The following SNX29 variants were observed in gnomAD, a reference collection of about 807,000 sequenced individuals.
SNX29 encodes sorting nexin 29, also known as sorting nexin-29.
Under a neutral mutation model 102.1 loss-of-function variants are expected in SNX29, and 78 were observed. That is an observed-to-expected ratio of 0.76 (90% CI 0.64 to 0.92). The LOEUF is 0.92. Ranked by LOEUF, SNX29 falls within the 40% of genes least tolerant of loss-of-function variation. The pLI is 0.00. For synonymous variants in SNX29, 580 were observed against 414.5 expected (o/e 1.40, Z -4.85); for missense variants, 1,280 against 1,061.7 (o/e 1.21, Z -2.86).
At chr16:12,519,514 G>A (rs1238995487) in intron 19 of SNX29, among the ~76,000 whole-genome samples, 1 of 147,074 alleles carries the variant, frequency 6.8e-6, no homozygotes, top group East Asian at 1.9e-4. Flanking sequence ...ATGGGAAAAT[G>A]TTGTTAATTT....
chr16:12,365,293 C>G (rs774350319), intron 16 of SNX29, among the ~76,000 whole-genome samples: 5 of 150,034 alleles, frequency 3.3e-5, no homozygotes, highest in Non-Finnish European at 5.9e-5. Context: ...CTCTCCCTTT[C>G]TTATCTCTCC....
At position 12,188,213 on chromosome 16, in the gene SNX29, C is replaced by G. The variant is rs529848054; in HGVS notation, c.1596-11388C>G. ...TTTAATAATTACCATATGCCAGACACTTTATTTATACACACACATACTTAT... is the reference window on the plus strand; with the variant it reads ...TTTAATAATTACCATATGCCAGACAGTTTATTTATACACACACATACTTAT... On this transcript the variant is annotated intron_variant, in intron 13 of 20. Coordinates refer to ENST00000566228, the MANE Select transcript of SNX29 (RefSeq NM_032167.5). 3.9e-5 allele frequency among the ~76,000 whole-genome samples: 6 copies of G among 152,280 alleles called. No individual in the cohort carries two copies. In the East Asian group the frequency reaches 1.2e-3, roughly 29 times the overall value.
chr16:12,479,767 G>A (rs117743554), intron 19 of SNX29, among the ~76,000 whole-genome samples: 1 of 152,296 alleles, frequency 6.6e-6, no homozygotes, highest in East Asian at 1.9e-4. Flanking sequence ...ACATTCTTAT[G>A]TGCAAGAAAC....
At chr16:12,539,579 T>G (rs1018945790) in intron 20 of SNX29, among the ~76,000 whole-genome samples, 1 of 152,186 alleles carries the variant, frequency 6.6e-6, no homozygotes, top group Non-Finnish European at 1.5e-5. Flanking sequence ...GAACAAAAGT[T>G]TTCATTTCTG....
chr16:12,063,189 C>T (rs993044149), intron 9 of SNX29, among the ~76,000 whole-genome samples: 1 of 151,972 alleles, frequency 6.6e-6, no homozygotes, highest in African/African-American at 2.4e-5. Context: ...GGGAAGGTGC[C>T]AGGCACATGC....
intron 8 of SNX29, among the ~76,000 whole-genome samples, chr16:12,054,194 C>G (rs1220050643): frequency 6.6e-6 from 1 of 152,194 alleles, no homozygotes; most frequent in Non-Finnish European, 1.5e-5. Context: ...TCTCAAACTC[C>G]TGATCTCGTG....
intron 8 of SNX29, among the ~76,000 whole-genome samples, chr16:12,056,234 C>T (rs1251394319): frequency 1.3e-5 from 2 of 152,174 alleles, no homozygotes; most frequent in South Asian, 2.1e-4. Context: ...CTTGCTGATG[C>T]CACTGAGTGT....
rs574090459 is a variant in SNX29, at chr16:12,483,114, G to GTTTTTTTTTTTTTTTTTTTT, written c.2178+5265_2178+5284dup. ...AATAGATACATATTGAAGTTATTAA[G>GTTTTTTTTTTTTTTTTTTTT]TTTTTTTTTTTTTTTTTTTTTTTTT... On this transcript the variant is annotated intron_variant, in intron 19 of 20. Transcript: ENST00000566228. Among the ~76,000 whole-genome samples the GTTTTTTTTTTTTTTTTTTTT allele has an allele frequency of 2.1e-4, 14 of 66,212 alleles. 2 individuals carry two copies. Among genetic ancestry groups the GTTTTTTTTTTTTTTTTTTTT allele is most frequent in the Non-Finnish European group, 3.1e-4 (11 of 35,980 alleles). The allele number at this position is 66,212 out of a possible 152,430, so 43.4% of individuals were successfully genotyped here.
At chr16:12,558,744 T>C (rs544997140) in intron 20 of SNX29, among the ~76,000 whole-genome samples, 1 of 152,336 alleles carries the variant, frequency 6.6e-6, no homozygotes, top group South Asian at 2.1e-4. Context: ...CACTAGGCTG[T>C]CCCAGGCCCA....
At chr16:12,171,905 C>G (rs2076157663) in intron 13 of SNX29, among the ~76,000 whole-genome samples, 1 of 152,186 alleles carries the variant, frequency 6.6e-6, no homozygotes, top group African/African-American at 2.4e-5. Context: ...AGGCAATTCC[C>G]TGACCTCTCT....
chr16:12,570,992 GCA>G lies in SNX29; in HGVS notation c.*2366_*2367del, dbSNP rs1046196162. On this transcript the variant is annotated 3_prime_UTR_variant, in exon 21 of 21. Coordinates refer to ENST00000566228, the MANE Select transcript of SNX29 (RefSeq NM_032167.5). ...CTCCTGGTACCTCCCCCATGATCAT[GCA>G]CAGACCGTAGAGTCGAGTCATCTCG... 1.3e-5 allele frequency: 3 copies of G among 232,342 alleles called. No homozygotes were observed. The highest frequency in any genetic ancestry group is 2.2e-5 in the African/African-American group (1 of 45,300). 14.4% of individuals were successfully genotyped at this position (232,342 alleles called of 1,614,324 possible).
chr16:11,989,163 G>T (rs112362345), intron 1 of SNX29, among the ~76,000 whole-genome samples: 5,004 of 152,168 alleles, frequency 0.033, 251 homozygotes, highest in African/African-American at 0.11. Flanking sequence ...GGTAGAAACG[G>T]GGTTTCACCA....
chr16:12,290,618 A>G (rs1307474609), intron 15 of SNX29, among the ~76,000 whole-genome samples: 1 of 152,182 alleles, frequency 6.6e-6, no homozygotes, highest in Admixed American at 6.5e-5. Context: ...AACTTGGCTC[A>G]AGCTGTCTGT....
intron 18 of SNX29, among the ~76,000 whole-genome samples, chr16:12,409,227 T>C (rs1241597429): frequency 6.6e-6 from 1 of 152,210 alleles, no homozygotes; most frequent in Non-Finnish European, 1.5e-5. Flanking sequence ...AAAACAAAAT[T>C]AAACTCAATC....
intron 11 of SNX29, among the ~76,000 whole-genome samples, chr16:12,101,487 G>T (rs191450736): frequency 6.6e-6 from 1 of 151,610 alleles, no homozygotes; most frequent in South Asian, 2.1e-4. Context: ...GGGTTCAAGC[G>T]ATTTTCCTGC....
At chr16:12,207,753 G>T (rs1367947033) in intron 14 of SNX29, among the ~76,000 whole-genome samples, 1 of 152,080 alleles carries the variant, frequency 6.6e-6, no homozygotes, top group Non-Finnish European at 1.5e-5. Context: ...TAATTACTTG[G>T]ATCTTTCAGT....
intron 18 of SNX29, among the ~76,000 whole-genome samples, chr16:12,405,781 C>A (rs1306648889): frequency 2.0e-5 from 3 of 152,188 alleles, no homozygotes; most frequent in Admixed American, 2.0e-4. Context: ...CGCCTGTAAT[C>A]CCAGCACTTT....
intron 15 of SNX29, among the ~76,000 whole-genome samples, chr16:12,280,031 C>T (rs1198319739): frequency 2.0e-5 from 3 of 152,024 alleles, no homozygotes; most frequent in African/African-American, 4.8e-5. Context: ...TGCTGGGCAG[C>T]GTGTAGGGGT....
chr16:12,166,548 C>G (rs771746867), intron 13 of SNX29, among the ~76,000 whole-genome samples: 13 of 152,194 alleles, frequency 8.5e-5, no homozygotes, highest in Non-Finnish European at 1.8e-4. Flanking sequence ...GCGCTCAGTT[C>G]ACTTGGAGCT....
Sources: allele counts gnomAD v4.1 joint callset (sites outside exome capture counted in the v4.1 genomes callset), GRCh38; gene constraint gnomAD v4.1.1; transcripts MANE v1.5; gene names NCBI Gene and HGNC (gene_info 2026-07-23, HGNC 2026-07-21).